The following SP140 variants were observed in gnomAD, a reference collection of about 807,000 sequenced individuals.
The protein encoded by SP140 is nuclear body protein SP140.
A neutral mutation model predicts 125.0 loss-of-function variants in SP140; 81 were observed. The observed-to-expected ratio is 0.65, with a 90% CI of 0.54 to 0.78. The LOEUF (loss-of-function observed/expected upper bound fraction) is 0.78, where lower values mean the gene tolerates loss of function less well. SP140 is among the 30% of genes least tolerant of loss of function. The probability of loss-of-function intolerance (pLI) is 0.00; values close to 1 mark genes in which losing one functional copy is unlikely to be tolerated. For missense variants in SP140, 858 were observed against 1,037.0 expected, an observed-to-expected ratio of 0.83 and a Z score of 2.37; for synonymous variants, 312 against 354.0, an observed-to-expected ratio of 0.88 and a Z score of 1.33.
At chr2:230,289,224 A>T (rs1019270754) in intron 18 of SP140, among the ~76,000 whole-genome samples, 1 of 152,136 alleles carries the variant, frequency 6.6e-6, no homozygotes, top group Admixed American at 6.5e-5. Flanking sequence ...ACCAGTGATG[A>T]TGAGCTTTTA....
rs550674626 is a variant in SP140 at position 230,270,278 on chromosome 2, A to G, written c.1445-308A>G. 2.6e-5 allele frequency among the ~76,000 whole-genome samples: 4 copies of G among 152,306 alleles called. No homozygotes were observed. The East Asian group carries it at 7.7e-4, about 29-fold the overall frequency. ...CAGTGAACTTCTGCTGGTAGATAAT[A>G]GTGTCACTTTGCTACAACTTAGAAA... On this transcript the variant is annotated intron_variant, in intron 14 of 26. Coordinates refer to ENST00000392045, the MANE Select transcript of SP140 (RefSeq NM_007237.5).
chr2:230,193,495 A>G, the SP140 span, among the ~76,000 whole-genome samples: 1 of 152,188 alleles, frequency 6.6e-6, no homozygotes, highest in African/African-American at 2.4e-5. Flanking sequence ...GTGCATATCA[A>G]TCTTTCGTTT....
chr2:230,197,522 T>G, the SP140 span, among the ~76,000 whole-genome samples: 1 of 148,280 alleles, frequency 6.7e-6, no homozygotes, highest in Non-Finnish European at 1.5e-5. Context: ...TAGTTTCTTT[T>G]GCTGTGCAGA....
downstream of SP140, among the ~76,000 whole-genome samples, chr2:230,313,444 C>A (rs368100161): frequency 1.3e-5 from 2 of 152,190 alleles, no homozygotes; most frequent in East Asian, 1.9e-4. Context: ...GGAAGTGACA[C>A]CCCGTGGCCT....
chr2:230,258,699 A>G (rs1399005375), intron 12 of SP140, among the ~76,000 whole-genome samples: 3 of 152,222 alleles, frequency 2.0e-5, no homozygotes, highest in African/African-American at 4.8e-5. Context: ...TGCTGTTAAC[A>G]TTGTTACTGA....
At chr2:230,248,175 A>G (rs2049784398) in intron 8 of SP140, 110 bp downstream of exon 8, 10 of 992,242 alleles carry the variant, frequency 1.0e-5, no homozygotes, top group African/African-American at 6.5e-5. Flanking sequence ...AGATTACTGG[A>G]TTGCACAAGA....
At position 230,245,941 on chromosome 2, in the gene SP140, G is replaced by GT; in HGVS notation, c.742+2dup. On this transcript the variant is annotated splice_donor_variant, in intron 7 of 26. Transcript: ENST00000392045. LOFTEE classifies it high-confidence loss of function. ...AAGTTACTGCCTTATGATACAGAAG[G>GT]TAATTAGGATTTAAATTAAAGCTTT... 1 of 1,563,818 alleles carries GT rather than the reference G, an allele frequency of 6.4e-7. No individual in the cohort carries two copies. The highest frequency in any genetic ancestry group is 2.2e-5 in the East Asian group (1 of 44,674).
intron 12 of SP140, among the ~76,000 whole-genome samples, chr2:230,269,103 A>G (rs756087321): frequency 1.3e-5 from 2 of 152,156 alleles, no homozygotes; most frequent in African/African-American, 4.8e-5. Context: ...CCATCAATGC[A>G]GGCTTTGTGG....
At chr2:230,193,064 A>T in the SP140 span, among the ~76,000 whole-genome samples, 2 of 152,152 alleles carry the variant, frequency 1.3e-5, no homozygotes, top group African/African-American at 4.8e-5. Context: ...TTAGGACTGT[A>T]ATATCTTCCT....
intron 3 of SP140, among the ~76,000 whole-genome samples, chr2:230,239,821 G>A (rs899547444): frequency 2.0e-5 from 3 of 152,176 alleles, no homozygotes; most frequent in Non-Finnish European, 2.9e-5. Flanking sequence ...CAAGCCAACT[G>A]TACCTAGGCA....
At chr2:230,189,233 A>G in the SP140 span, among the ~76,000 whole-genome samples, 1 of 150,010 alleles carries the variant, frequency 6.7e-6, no homozygotes, top group Admixed American at 6.6e-5. Flanking sequence ...TTTTTCTGCT[A>G]GCTTTGGGTT....
At chr2:230,305,568 A>G (rs1482228653) in intron 22 of SP140, among the ~76,000 whole-genome samples, 1 of 152,264 alleles carries the variant, frequency 6.6e-6, no homozygotes, top group Admixed American at 6.5e-5. Flanking sequence ...GGCTAGGCCC[A>G]GCTGCCCGTA....
chr2:230,268,390 G>A (rs2149340981), intron 12 of SP140, among the ~76,000 whole-genome samples: 1 of 152,164 alleles, frequency 6.6e-6, no homozygotes, highest in South Asian at 2.1e-4. Context: ...CAGGCGTGGT[G>A]GCAGGCACCT....
chr2:230,212,574 C>T, intron 1 of SP140: 1 of 1,055,664 alleles, frequency 9.5e-7, no homozygotes, highest in South Asian at 1.3e-5. Context: ...AGCAGGTGTT[C>T]TGGACTCTAG....
intron 15 of SP140, among the ~76,000 whole-genome samples, chr2:230,275,544 C>T (rs2054591018): frequency 1.3e-5 from 2 of 152,156 alleles, no homozygotes. Context: ...TCAACTGCTT[C>T]ACTGACCAGC....
At chr2:230,256,443 T>C (rs2051217018) in intron 12 of SP140, among the ~76,000 whole-genome samples, 1 of 149,518 alleles carries the variant, frequency 6.7e-6, no homozygotes, top group African/African-American at 2.5e-5. Context: ...AAACACTGCA[T>C]GTTCTCACTC....
At chr2:230,282,138 G>A (rs1412031830) in intron 15 of SP140, among the ~76,000 whole-genome samples, 2 of 152,158 alleles carry the variant, frequency 1.3e-5, no homozygotes, top group African/African-American at 4.8e-5. Context: ...TGGAATTTAA[G>A]CAATTCTCCT....
At chr2:230,302,532 A>G (rs2149556782) in intron 22 of SP140, among the ~76,000 whole-genome samples, 1 of 152,366 alleles carries the variant, frequency 6.6e-6, no homozygotes, top group Admixed American at 6.5e-5. Context: ...GAAACAATGG[A>G]CTTAAACTGT....
At chr2:230,265,294 G>A (rs1030987883) in intron 12 of SP140, among the ~76,000 whole-genome samples, 2 of 152,020 alleles carry the variant, frequency 1.3e-5, no homozygotes, top group African/African-American at 4.8e-5. Context: ...GCAAACCAAA[G>A]GGCCAGACTC....
Sources: allele counts gnomAD v4.1 joint callset (sites outside exome capture counted in the v4.1 genomes callset), GRCh38; gene constraint gnomAD v4.1.1; transcripts MANE v1.5; gene names NCBI Gene and HGNC (gene_info 2026-07-23, HGNC 2026-07-21).